The following ESYT3 variants were observed in gnomAD, a reference collection of about 807,000 sequenced individuals.
ESYT3 encodes extended synaptotagmin-3.
In ESYT3, 101 loss-of-function variants were observed where a neutral mutation model predicts 111.5. That is an observed-to-expected ratio of 0.91 (90% CI 0.77 to 1.07). The LOEUF is 1.07. Ranked by LOEUF, ESYT3 falls within the 50% of genes least tolerant of loss-of-function variation. The pLI is 0.00. For synonymous variants in ESYT3, 416 were observed against 446.8 expected (o/e 0.93, Z 0.87); for missense variants, 1,097 against 1,109.4 (o/e 0.99, Z 0.16).
chr3:138,473,590 T>C lies in ESYT3; in HGVS notation c.2292T>C (p.Tyr764=), dbSNP rs749510845. 1 of 1,613,948 alleles carries C rather than the reference T, an allele frequency of 6.2e-7. No homozygotes were observed. The highest frequency in any genetic ancestry group is 1.7e-5 in the Admixed American group (1 of 60,014). The change falls in exon 19 of 23, where the codon TAT becomes TAC. Residue 764 remains tyrosine (Y), a synonymous_variant. Transcript: ENST00000389567. Reference sequence around the variant, plus strand: ...GTGAGATTCAGCTCACAGTGCGCTATGTGTGTCTGCGGCGCTGCCTCAGCG... The same window carrying C: ...GTGAGATTCAGCTCACAGTGCGCTACGTGTGTCTGCGGCGCTGCCTCAGCG... The part of the protein sequence containing the change: ...QLGEIQLTVR[Y]VCLRRCLSVL...
chr3:138,455,996 A>G (rs530544638), intron 3 of ESYT3, among the ~76,000 whole-genome samples: 1 of 152,326 alleles, frequency 6.6e-6, no homozygotes, highest in South Asian at 2.1e-4. Flanking sequence ...ACTGTGACCC[A>G]GTAAATGAGA....
intron 2 of ESYT3, among the ~76,000 whole-genome samples, chr3:138,453,777 C>T (rs2032094471): frequency 1.3e-5 from 2 of 152,160 alleles, no homozygotes; most frequent in Non-Finnish European, 2.9e-5. Flanking sequence ...TCCCCAGAAA[C>T]CCAGTCACTC....
chr3:138,435,201 G>A lies in ESYT3; in HGVS notation c.327+76G>A, dbSNP rs902515728. 52 of 1,384,810 alleles carry A rather than the reference G, an allele frequency of 3.8e-5. No homozygotes were observed. In the African/African-American group the frequency reaches 6.9e-4, roughly 18 times the overall value. 85.8% of individuals were successfully genotyped at this position (1,384,810 alleles called of 1,614,324 possible). ...CGGAGGAACTTGCGGTCAGCGGGGAGCTGGTGCGCGCAAACCCGAGGCAGG... is the reference window on the plus strand; with the variant it reads ...CGGAGGAACTTGCGGTCAGCGGGGAACTGGTGCGCGCAAACCCGAGGCAGG... On this transcript the variant is annotated intron_variant, in intron 1 of 22. Transcript: ENST00000389567. This position sits in a 1 kb window ranked among gnomAD's most constrained non-coding sequence, Gnocchi z 4.8.
In ESYT3 at chr3:138,455,209, T is replaced by TGGTAG. The variant is rs1560223411; in HGVS notation, c.387_388insTAGGG (p.Pro130Ter). On this transcript the variant is annotated stop_gained and frameshift_variant, in exon 3 of 23. Coordinates refer to ENST00000389567, the MANE Select transcript of ESYT3 (RefSeq NM_031913.5). LOFTEE classifies it high-confidence loss of function. ...GTCTTCACAGATCATCTCTCAGACCTGGCCCTACCTAAGCATGATCATGGA... is the reference window on the plus strand; with the variant it reads ...GTCTTCACAGATCATCTCTCAGACCTGGTAGGGCCCTACCTAAGCATGATCATGGA... 6.2e-7 allele frequency: 1 copy of TGGTAG among 1,614,176 alleles called. No individual in the cohort carries two copies. The highest frequency in any genetic ancestry group is 1.1e-5 in the South Asian group (1 of 91,080).
chr3:138,481,219 C>T (rs973227357), downstream of ESYT3: 1 of 152,168 alleles, frequency 6.6e-6, no homozygotes, highest in Non-Finnish European at 1.5e-5. Flanking sequence ...CACATCTCTC[C>T]GTGAAAATTA....
Position 138,476,805 on chromosome 3 carries a change from A to C in ESYT3, c.2625-13A>C. ...CATTACTAACGTTAAGTCCAAACGT[A>C]ACTGTCTTACAGGTATGAGCTGACT... On this transcript the variant is annotated splice_polypyrimidine_tract_variant and intron_variant, in intron 22 of 22. Transcript: ENST00000389567. The C allele has an allele frequency of 1.2e-6, 2 of 1,613,762 alleles. No homozygotes were observed. The highest frequency in any genetic ancestry group is 1.7e-6 in the Non-Finnish European group (2 of 1,179,698).
chr3:138,465,491 C>A, intron 10 of ESYT3, 70 bp downstream of exon 10: 2 of 1,224,716 alleles, frequency 1.6e-6, no homozygotes, highest in South Asian at 1.3e-5. Flanking sequence ...GGCTAGATAC[C>A]CTGCTCCTAC....
chr3:138,447,041 TATG>T (rs1360728546), intron 1 of ESYT3, among the ~76,000 whole-genome samples: 1 of 152,118 alleles, frequency 6.6e-6, no homozygotes, highest in African/African-American at 2.4e-5. Context: ...TCTCAATAAT[TATG>T]ATAATCACAG....
chr3:138,435,801 A>G lies in ESYT3; in HGVS notation c.327+676A>G, dbSNP rs956954951. ...AACGCTTCTGGTCCTGGCTTACCTA[A>G]CAAAACCCAAGTTCTGGGCCCCATT... is the stretch of plus-strand genomic sequence containing the variant. On this transcript the variant is annotated intron_variant, in intron 1 of 22. Transcript: ENST00000389567. The surrounding 1 kb of genome is among the most constrained non-coding windows in gnomAD (Gnocchi z 4.8). Among the ~76,000 whole-genome samples, 2 of 152,204 alleles carry G rather than the reference A, an allele frequency of 1.3e-5. No homozygotes were observed. The highest frequency in any genetic ancestry group is 1.3e-4 in the Admixed American group (2 of 15,284).
At chr3:138,459,392 T>C (rs1365831221) in intron 5 of ESYT3, 139 bp downstream of exon 5, 1 of 615,606 alleles carries the variant, frequency 1.6e-6, no homozygotes, top group African/African-American at 1.9e-5. Context: ...ACGGAGGAGC[T>C]GTAGGCCTGA....
At chr3:138,469,080 C>T (rs142046900) in intron 14 of ESYT3, among the ~76,000 whole-genome samples, 199 bp downstream of exon 14, 1 of 152,306 alleles carries the variant, frequency 6.6e-6, no homozygotes, top group Non-Finnish European at 1.5e-5. Context: ...ATCCCTGAGT[C>T]TCATGATGAC....
intron 9 of ESYT3, 85 bp from the exon 10 acceptor site, chr3:138,465,254 G>A (rs1429209916): frequency 1.6e-5 from 16 of 988,976 alleles, no homozygotes; most frequent in African/African-American, 3.2e-5. Flanking sequence ...ACCTGCTAGC[G>A]TTCTGAGCCA....
intron 1 of ESYT3, among the ~76,000 whole-genome samples, 174 bp from the exon 2 acceptor site, chr3:138,451,874 G>T (rs983580841): frequency 1.3e-5 from 2 of 152,278 alleles, no homozygotes; most frequent in Non-Finnish European, 2.9e-5. Flanking sequence ...GAGTTGCCAG[G>T]GCTGGACGCC....
rs1679179 is a variant in ESYT3 at position 138,435,355 on chromosome 3, T to C, written c.327+230T>C. 0.17 allele frequency among the ~76,000 whole-genome samples: 25,055 copies of C among 151,756 alleles called. 3,558 individuals carry two copies. The highest frequency in any genetic ancestry group is 0.38 in the East Asian group (1,958 of 5,146). On this transcript the variant is annotated intron_variant, in intron 1 of 22. Coordinates refer to ENST00000389567, the MANE Select transcript of ESYT3 (RefSeq NM_031913.5). This position sits in a 1 kb window ranked among gnomAD's most constrained non-coding sequence, Gnocchi z 4.8. ...ACCTCTGGTCCGACTGCGGTGGGAG[T>C]GGGGAACTTGGGTTTCATTTAAGGC...
intron 1 of ESYT3, among the ~76,000 whole-genome samples, chr3:138,446,300 CTG>C (rs766343432): frequency 1.3e-5 from 2 of 152,142 alleles, no homozygotes; most frequent in Non-Finnish European, 2.9e-5. Flanking sequence ...AGCACAGACT[CTG>C]TGGTCAGACA....
At chr3:138,466,279 A>C (rs1393158630) in intron 10 of ESYT3, among the ~76,000 whole-genome samples, 1 of 152,232 alleles carries the variant, frequency 6.6e-6, no homozygotes, top group African/African-American at 2.4e-5. Flanking sequence ...CCAAATCTTC[A>C]GATTGCTGTG....
At chr3:138,448,368 C>T (rs970822716) in intron 1 of ESYT3, among the ~76,000 whole-genome samples, 1 of 148,844 alleles carries the variant, frequency 6.7e-6, no homozygotes, top group East Asian at 2.0e-4. Context: ...GGTACTGGAA[C>T]AGGCCGACTT....
chr3:138,451,124 A>T (rs2031896836), intron 1 of ESYT3, among the ~76,000 whole-genome samples: 1 of 152,248 alleles, frequency 6.6e-6, no homozygotes, highest in Admixed American at 6.5e-5. Context: ...TCTCAGAATT[A>T]TGTCATGCAC....
chr3:138,465,600 A>G (rs2032888992), intron 10 of ESYT3, among the ~76,000 whole-genome samples, 179 bp downstream of exon 10: 1 of 152,182 alleles, frequency 6.6e-6, no homozygotes, highest in Admixed American at 6.5e-5. Flanking sequence ...ACCTTCCCAG[A>G]TGTCTCCCAA....
Sources: allele counts gnomAD v4.1 joint callset (sites outside exome capture counted in the v4.1 genomes callset), GRCh38; gene constraint gnomAD v4.1.1; non-coding constraint Gnocchi (gnomAD v3.1); transcripts MANE v1.5; gene names NCBI Gene and HGNC (gene_info 2026-07-23, HGNC 2026-07-21).